Variants in PLXDC1 observed in about 807,000 individuals in gnomAD.
PLXDC1 encodes plexin domain-containing protein 1.
In PLXDC1, 39 loss-of-function variants were observed where a neutral mutation model predicts 61.3. The observed-to-expected ratio is 0.64, with a 90% confidence interval of 0.49 to 0.83. The LOEUF (loss-of-function observed/expected upper bound fraction) is 0.83. PLXDC1 is among the 40% of genes least tolerant of loss of function. The pLI is 0.00. For synonymous variants in PLXDC1, 212 were observed against 254.5 expected, an observed-to-expected ratio of 0.83 and a Z score of 1.59; for missense variants, 596 against 666.5, an observed-to-expected ratio of 0.89 and a Z score of 1.17.
At chr17:39,091,958 CAAAAA>C (rs71141756) in intron 7 of PLXDC1, among the ~76,000 whole-genome samples, 13,397 of 105,314 alleles carry the variant, frequency 0.13, 719 homozygotes, top group African/African-American at 0.16. Context: ...GACTCTATCT[CAAAAA>C]AAAAAAAAAA....
rs755346181 is a variant in PLXDC1 at position 39,109,346 on chromosome 17, C to T, written c.301G>A (p.Glu101Lys). ...ACCCACAGTTCCCGGCTGTGGGGCT[C>T]GCTGGGGCCATAGAGACGGGACACA... ...YYVSRLYGPSEPHSRELWVDV... is the reference protein window; with the variant it reads ...YYVSRLYGPSKPHSRELWVDV... The change falls in exon 3 of 14, where the codon GAG (glutamate) becomes AAG (lysine). Residue 101 changes from glutamate to lysine, a missense_variant. By Grantham distance (56) the Glu-to-Lys change is moderately conservative (BLOSUM62 1). Coordinates refer to ENST00000315392, the MANE Select transcript of PLXDC1 (RefSeq NM_020405.5). The T allele has an allele frequency of 5.6e-6, 9 of 1,608,524 alleles. No homozygotes were observed. In the Admixed American group the frequency reaches 6.8e-5, roughly 12 times the overall value.
chr17:39,077,959 G>A lies in PLXDC1; in HGVS notation c.1140C>T (p.Leu380=), dbSNP rs150427929. Residue 380 remains leucine, a synonymous_variant, in exon 11 of 14, where the codon CTC becomes CTT. Coordinates refer to ENST00000315392, the MANE Select transcript of PLXDC1 (RefSeq NM_020405.5). ...TGAAGAGGGAGGAGGAGGTAGTGGT[G>A]AGGTCTCCATCATAGGGGCTGAAGG... ...DTSFSPYDGD[L]TTTSSSLFID... is the part of the protein sequence containing the mutation. The A allele has an allele frequency of 3.7e-5, 59 of 1,614,060 alleles. No homozygotes were observed. In the African/African-American group the frequency reaches 7.5e-4, roughly 20 times the overall value.
intron 2 of PLXDC1, among the ~76,000 whole-genome samples, chr17:39,129,468 T>C (rs1199371734): frequency 6.6e-6 from 1 of 151,270 alleles, no homozygotes; most frequent in African/African-American, 2.4e-5. Flanking sequence ...AATACAAAAA[T>C]TAGCCAGGCA....
rs1403651257 is a variant in PLXDC1 at position 39,151,135 on chromosome 17, AAGG to A, written c.76+224_76+226del. On this transcript the variant is annotated intron_variant, in intron 1 of 13. Transcript: ENST00000315392. The surrounding 1 kb of genome is among the most constrained non-coding windows in gnomAD (Gnocchi z 5.2). ...TCCCTCCAGTATCCTTCCAGGAGAG[AAGG>A]AGAGGTCCGGGCATCGGTGTCTCCA... is the stretch of plus-strand genomic sequence containing the variant. Among the ~76,000 whole-genome samples, 1 of 152,168 alleles carries A rather than the reference AAGG, an allele frequency of 6.6e-6. No homozygotes were observed. Among genetic ancestry groups the A allele is most frequent in the Non-Finnish European group, 1.5e-5 (1 of 68,022 alleles).
intron 1 of PLXDC1, among the ~76,000 whole-genome samples, chr17:39,149,335 C>T (rs189823053): frequency 6.6e-6 from 1 of 152,254 alleles, no homozygotes; most frequent in Non-Finnish European, 1.5e-5. Flanking sequence ...ACAACTCCGC[C>T]ATCAATCAGG....
intron 7 of PLXDC1, among the ~76,000 whole-genome samples, chr17:39,105,446 C>T (rs1910559103): frequency 6.6e-6 from 1 of 152,156 alleles, no homozygotes; most frequent in Non-Finnish European, 1.5e-5. Context: ...AGGGAGGTAA[C>T]AGCATGGCCG....
rs1598188350 is a variant in PLXDC1 at position 39,083,557 on chromosome 17, A to G, written c.908-17T>C. On this transcript the variant is annotated splice_polypyrimidine_tract_variant and intron_variant, in intron 8 of 13. Coordinates refer to ENST00000315392, the MANE Select transcript of PLXDC1 (RefSeq NM_020405.5). ...GCAGGCAGGCTGCAAGAGAGAAGGC[A>G]GTGGCCGCTCAGCACCGAGCCTCTC... 1 of 1,596,562 alleles carries G rather than the reference A, an allele frequency of 6.3e-7. No individual in the cohort carries two copies. Among genetic ancestry groups the G allele is most frequent in the Non-Finnish European group, 8.5e-7 (1 of 1,169,868 alleles).
rs1291982693 is a variant in PLXDC1, at chr17:39,128,107, A to ATATATATATATATATATACATATATATG, written c.255+11546_255+11547insCATATATATGTATATATATATATATATA. Among the ~76,000 whole-genome samples the ATATATATATATATATATACATATATATG allele has an allele frequency of 5.8e-3, 583 of 100,602 alleles. 34 individuals are homozygous for ATATATATATATATATATACATATATATG. The highest frequency in any genetic ancestry group is 0.014 in the Middle Eastern group (3 of 218). 66.0% of individuals were successfully genotyped at this position (100,602 alleles called of 152,430 possible). ...TCTCTCTCTCTATGTGTATATATAT[A>ATATATATATATATATATACATATATATG]TATATATGTATATATATATGTGTAT... On this transcript the variant is annotated intron_variant, in intron 2 of 13. Transcript: ENST00000315392.
intron 2 of PLXDC1, among the ~76,000 whole-genome samples, chr17:39,117,023 G>C (rs1910992592): frequency 6.6e-6 from 1 of 152,250 alleles, no homozygotes; most frequent in Admixed American, 6.5e-5. Flanking sequence ...GGGAATGGAA[G>C]CTGGGTGAGC....
At chr17:39,147,732 C>T (rs903105574) in intron 1 of PLXDC1, among the ~76,000 whole-genome samples, 7 of 152,016 alleles carry the variant, frequency 4.6e-5, no homozygotes, top group African/African-American at 1.7e-4. Flanking sequence ...CTATGTGTGT[C>T]CCTTGAGGGG....
chr17:39,077,833 G>A, intron 11 of PLXDC1, 80 bp downstream of exon 11: 1 of 1,403,246 alleles, frequency 7.1e-7, no homozygotes. Context: ...CCCTGTCAGG[G>A]ACAGAGAGGG....
Position 39,087,618 on chromosome 17 carries a change from G to T in PLXDC1, c.896C>A (p.Thr299Asn). Residue 299 changes from threonine (T) to asparagine (N), a missense_variant, in exon 8 of 14, where the codon ACC becomes AAC. Coordinates refer to ENST00000315392, the MANE Select transcript of PLXDC1 (RefSeq NM_020405.5). ...KVTSMSAVEF[T>N]PLPTCLQHRS... ...TGACCCCTACTCACTCGGCAATGGG[G>T]TGAACTCCACGGCCGACATGCTGGT... The T allele has an allele frequency of 6.2e-7, 1 of 1,613,556 alleles. No homozygotes were observed. Among genetic ancestry groups the T allele is most frequent in the Non-Finnish European group, 8.5e-7 (1 of 1,179,466 alleles).
chr17:39,108,675 C>T (rs1910683826), intron 4 of PLXDC1: 4 of 574,916 alleles, frequency 7.0e-6, no homozygotes, highest in Admixed American at 2.9e-5. Context: ...CTGACTCGTG[C>T]TGGCCCGAGG....
intron 7 of PLXDC1, among the ~76,000 whole-genome samples, chr17:39,104,917 C>T (rs1214301883): frequency 2.0e-5 from 3 of 152,210 alleles, no homozygotes; most frequent in African/African-American, 7.2e-5. Flanking sequence ...ACTGATGGAA[C>T]CGAACAGAAA....
At chr17:39,114,740 G>T (rs192885370) in intron 2 of PLXDC1, among the ~76,000 whole-genome samples, 61 of 152,276 alleles carry the variant, frequency 4.0e-4, no homozygotes, top group African/African-American at 1.3e-3. Flanking sequence ...TGCTAAACAG[G>T]TGCTCTCAGG....
At chr17:39,148,126 A>C (rs754973458) in intron 1 of PLXDC1, among the ~76,000 whole-genome samples, 12 of 152,040 alleles carry the variant, frequency 7.9e-5, no homozygotes, top group Admixed American at 2.0e-4. Flanking sequence ...TGGTGGGATG[A>C]GGGAGGGGCT....
At chr17:39,079,657 G>A in intron 9 of PLXDC1, 2 of 427,926 alleles carry the variant, frequency 4.7e-6, no homozygotes, top group South Asian at 3.4e-5. Context: ...TGGCTGACAA[G>A]GGTCTCCGGA....
Position 39,078,001 on chromosome 17 carries a change from T to C in PLXDC1, c.1098A>G (p.Ser366=), listed in dbSNP as rs147195918. 6.0e-5 allele frequency: 97 copies of C among 1,613,354 alleles called. No individual in the cohort carries two copies. In the African/African-American group the frequency reaches 1.1e-3, roughly 19 times the overall value. Residue 366 remains serine (S), a synonymous_variant, in exon 11 of 14, where the codon TCA becomes TCG. Transcript: ENST00000315392. ...GGCTGAAGGAAGTGTCAGGGGAGGC[T>C]GAGTCGTGGTCCTCATCCTGGAAGT... ...CEDFQDEDHD[S]ASPDTSFSPY...
intron 11 of PLXDC1, among the ~76,000 whole-genome samples, chr17:39,074,727 C>T (rs1183988039): frequency 1.3e-5 from 2 of 152,124 alleles, no homozygotes; most frequent in Non-Finnish European, 2.9e-5. Flanking sequence ...TCTGGCTAAA[C>T]CCTCTGGGTG....
Sources: allele counts gnomAD v4.1 joint callset (sites outside exome capture counted in the v4.1 genomes callset), GRCh38; gene constraint gnomAD v4.1.1; non-coding constraint Gnocchi (gnomAD v3.1); transcripts MANE v1.5; gene names NCBI Gene and HGNC (gene_info 2026-07-23, HGNC 2026-07-21).